Variants in AKAP19 observed in about 807,000 individuals in gnomAD.
AKAP19 encodes A-kinase anchoring protein 19.
At chr2:189,924,202 G>A in the AKAP19 span, 2 of 1,550,292 alleles carry the variant, frequency 1.3e-6, no homozygotes, top group Non-Finnish European at 1.8e-6. Context: ...CGCCAATGGC[G>A]AGGATGACTC....
the AKAP19 span, among the ~76,000 whole-genome samples, chr2:190,193,790 T>C: frequency 6.6e-6 from 1 of 152,180 alleles, no homozygotes; most frequent in African/African-American, 2.4e-5. Context: ...CTCTATCGTA[T>C]GCTTCACTGA....
the AKAP19 span, among the ~76,000 whole-genome samples, chr2:190,042,355 G>T: frequency 6.6e-6 from 1 of 152,022 alleles, no homozygotes; most frequent in East Asian, 1.9e-4. Context: ...TGTGGGGCCG[G>T]TGGTAACATT....
chr2:189,890,855 G>A, the AKAP19 span, among the ~76,000 whole-genome samples: 1 of 152,044 alleles, frequency 6.6e-6, no homozygotes, highest in Non-Finnish European at 1.5e-5. Context: ...ACACTGATGG[G>A]TCTTGACTCT....
At chr2:190,165,405 C>A in the AKAP19 span, among the ~76,000 whole-genome samples, 1 of 151,976 alleles carries the variant, frequency 6.6e-6, no homozygotes, top group Non-Finnish European at 1.5e-5. Context: ...CCACTGTACT[C>A]CAGCTTAGAC....
At chr2:190,046,445 A>G in the AKAP19 span, among the ~76,000 whole-genome samples, 1 of 152,140 alleles carries the variant, frequency 6.6e-6, no homozygotes, top group Non-Finnish European at 1.5e-5. Context: ...GTCATTTCTA[A>G]TTGAATTCAT....
the AKAP19 span, among the ~76,000 whole-genome samples, chr2:190,129,665 C>A: frequency 1.3e-5 from 2 of 151,238 alleles, no homozygotes; most frequent in Admixed American, 1.3e-4. Flanking sequence ...AAAACAGAGG[C>A]AATAATATTA....
At chr2:189,982,346 G>C in the AKAP19 span, among the ~76,000 whole-genome samples, 1 of 151,970 alleles carries the variant, frequency 6.6e-6, no homozygotes, top group African/African-American at 2.4e-5. Flanking sequence ...TTCAATTCCA[G>C]AAGTTTTCTT....
chr2:190,098,259 A>G, the AKAP19 span, among the ~76,000 whole-genome samples: 1 of 152,196 alleles, frequency 6.6e-6, no homozygotes, highest in African/African-American at 2.4e-5. Flanking sequence ...TTGAAAGCCA[A>G]AATTCCTGCT....
chr2:190,112,298 TGTAA>T, the AKAP19 span, among the ~76,000 whole-genome samples: 8 of 152,242 alleles, frequency 5.3e-5, no homozygotes, highest in African/African-American at 1.9e-4. Context: ...TTGTTACAGT[TGTAA>T]GTGATATCTT....
At chr2:190,001,769 C>A in the AKAP19 span, among the ~76,000 whole-genome samples, 1 of 152,124 alleles carries the variant, frequency 6.6e-6, no homozygotes, top group East Asian at 1.9e-4. Flanking sequence ...TCCACAGGAC[C>A]CTTTTAGTCT....
At chr2:190,199,437 ATAAATC>A in the AKAP19 span, among the ~76,000 whole-genome samples, 1,028 of 152,244 alleles carry the variant, frequency 6.8e-3, 13 homozygotes, top group African/African-American at 0.024. Flanking sequence ...TTTGGTATAG[ATAAATC>A]TAAGCTAGCA....
chr2:189,906,760 T>G, the AKAP19 span, among the ~76,000 whole-genome samples: 1 of 152,156 alleles, frequency 6.6e-6, no homozygotes. Flanking sequence ...CTTTTTGGTT[T>G]AAAGTTTCTA....
chr2:190,181,195 C>A, the AKAP19 span: 1 of 971,480 alleles, frequency 1.0e-6, no homozygotes. Flanking sequence ...TTAGATTTTT[C>A]AATGGCAGAA....
At chr2:189,969,665 G>A in the AKAP19 span, among the ~76,000 whole-genome samples, 2 of 145,986 alleles carry the variant, frequency 1.4e-5, no homozygotes, top group Non-Finnish European at 3.0e-5. Context: ...GGAGGCAGAG[G>A]TTGTGGTGAG....
At chr2:189,900,226 A>G in the AKAP19 span, among the ~76,000 whole-genome samples, 2 of 152,146 alleles carry the variant, frequency 1.3e-5, no homozygotes, top group African/African-American at 4.8e-5. Context: ...GCATTTTTCA[A>G]AAATATATGC....
the AKAP19 span, among the ~76,000 whole-genome samples, chr2:190,005,101 G>A: frequency 6.6e-6 from 1 of 152,168 alleles, no homozygotes; most frequent in East Asian, 1.9e-4. Context: ...GACTTCAGGA[G>A]TGAAGCTGTG....
At chr2:190,061,924 T>G in the AKAP19 span, among the ~76,000 whole-genome samples, 3 of 152,050 alleles carry the variant, frequency 2.0e-5, no homozygotes, top group Non-Finnish European at 2.9e-5. Context: ...CTCCCAGTCC[T>G]TGCCTTGGTG....
the AKAP19 span, among the ~76,000 whole-genome samples, chr2:190,040,082 C>T: frequency 6.6e-6 from 1 of 152,150 alleles, no homozygotes; most frequent in Admixed American, 6.5e-5. Flanking sequence ...GCTTTTAGCT[C>T]TTTGAGGAAT....
At chr2:189,923,415 T>A in the AKAP19 span, 1 of 1,613,532 alleles carries the variant, frequency 6.2e-7, no homozygotes, top group Non-Finnish European at 8.5e-7. Context: ...AACACTCTTG[T>A]GGTCAAGAAA....
Sources: allele counts gnomAD v4.1 joint callset (sites outside exome capture counted in the v4.1 genomes callset), GRCh38; gene constraint gnomAD v4.1.1; transcripts MANE v1.5; gene names NCBI Gene and HGNC (gene_info 2026-07-23, HGNC 2026-07-21).